SRPX: variants seen among roughly 807,000 people sequenced by gnomAD.
SRPX encodes the protein sushi repeat containing protein X-linked, also known as sushi repeat-containing protein SRPX.
Under a neutral mutation model 38.1 loss-of-function variants are expected in SRPX, and 24 were observed. That is an observed-to-expected ratio of 0.63 (90% CI 0.46 to 0.89). SRPX has a LOEUF of 0.89. Ranked by LOEUF, SRPX falls within the 40% of genes least tolerant of loss-of-function variation. SRPX has a pLI of 0.00. For missense variants in SRPX, 416 were observed against 377.8 expected, an observed-to-expected ratio of 1.10 and a Z score of -0.84; for synonymous variants, 184 against 153.8, an observed-to-expected ratio of 1.20 and a Z score of -1.45.
Position 38,201,083 on chromosome X carries a change from C to G in SRPX, c.97+19613G>C, listed in dbSNP as rs892173326. On this transcript the variant is annotated intron_variant, in intron 1 of 9. Transcript: ENST00000378533. ...AGTGACTCTATAAGACTATTACTCC[C>G]CACTTTTTAGATCGTGATTTTTTCT... 2.7e-5 allele frequency among the ~76,000 whole-genome samples: 3 copies of G among 111,440 alleles called. No individual in the cohort carries two copies. The East Asian group carries it at 8.4e-4, about 31-fold the overall frequency.
intron 1 of SRPX, among the ~76,000 whole-genome samples, chrX:38,201,998 G>A (rs1380321643): frequency 9.0e-6 from 1 of 111,682 alleles, no homozygotes; most frequent in East Asian, 2.8e-4. Context: ...GCTTCAGAGA[G>A]AATGAAGAAA....
At chrX:38,193,384 C>A (rs1246028494) in intron 1 of SRPX, among the ~76,000 whole-genome samples, 1 of 111,733 alleles carries the variant, frequency 8.9e-6, no homozygotes, top group East Asian at 2.8e-4. Context: ...CACAATCAAA[C>A]TGGGTATGGG....
At chrX:38,162,126 G>A (rs1401927602) in intron 5 of SRPX, among the ~76,000 whole-genome samples, 1 of 112,261 alleles carries the variant, frequency 8.9e-6, no homozygotes, top group Non-Finnish European at 1.9e-5. Flanking sequence ...ATAAACCTGA[G>A]AGGAGTGATA....
intron 1 of SRPX, among the ~76,000 whole-genome samples, chrX:38,213,928 C>T (rs772269387): frequency 8.2e-4 from 92 of 111,679 alleles, no homozygotes; most frequent in Non-Finnish European, 1.3e-3. Flanking sequence ...CATGAGAAAT[C>T]CGCCCCCCAT....
intron 1 of SRPX, among the ~76,000 whole-genome samples, chrX:38,190,717 TG>T (rs1209397442): frequency 8.9e-6 from 1 of 111,885 alleles, no homozygotes; most frequent in Non-Finnish European, 1.9e-5. Context: ...CAATACCTGT[TG>T]TGTGAGGCTA....
chrX:38,178,190 G>T, intron 2 of SRPX, 95 bp downstream of exon 2: 2 of 574,774 alleles, frequency 3.5e-6, no homozygotes, highest in South Asian at 4.2e-5. Flanking sequence ...TAAATGTGTT[G>T]TCTGGTCACT....
At chrX:38,218,302 C>T (rs1290190200) in intron 1 of SRPX, among the ~76,000 whole-genome samples, 1 of 112,597 alleles carries the variant, frequency 8.9e-6, no homozygotes, top group Non-Finnish European at 1.9e-5. Flanking sequence ...AAATACAGCT[C>T]TAAGAATTAT....
At chrX:38,205,791 A>G (rs4827340) in intron 1 of SRPX, among the ~76,000 whole-genome samples, 17,696 of 111,673 alleles carry the variant, frequency 0.16, 2,606 homozygotes, top group African/African-American at 0.46. Context: ...GTAGCTAAAC[A>G]GCCTAATACA....
rs964260043 is a variant in SRPX at position 38,161,386 on chromosome X, AG to A, written c.654-333del. 7.6e-5 allele frequency among the ~76,000 whole-genome samples: 8 copies of A among 105,599 alleles called. No individual in the cohort carries two copies. The Admixed American group carries it at 8.3e-4, about 11-fold the overall frequency. 91.7% of individuals were successfully genotyped at this position (105,599 alleles called of 115,157 possible). On this transcript the variant is annotated intron_variant, in intron 5 of 9. Transcript: ENST00000378533. ...CCTCCTTCAATCTCACTCTTGTTCC[AG>A]GGGGGACCTGAATTGCCTCACTGTT... is the stretch of plus-strand genomic sequence containing the variant.
intron 3 of SRPX, among the ~76,000 whole-genome samples, chrX:38,173,652 G>A (rs1485260267): frequency 9.0e-6 from 1 of 111,321 alleles, no homozygotes; most frequent in Non-Finnish European, 1.9e-5. Context: ...GTTTCACCGT[G>A]TTGCTCAGGC....
At chrX:38,151,385 C>A (rs746086048) in intron 9 of SRPX, among the ~76,000 whole-genome samples, 1 of 111,933 alleles carries the variant, frequency 8.9e-6, no homozygotes, top group African/African-American at 3.2e-5. Flanking sequence ...TGGAGGAGTT[C>A]TGGTACAGGG....
intron 1 of SRPX, among the ~76,000 whole-genome samples, chrX:38,215,514 A>G (rs1939410575): frequency 1.8e-5 from 2 of 112,057 alleles, no homozygotes; most frequent in African/African-American, 6.5e-5. Context: ...TCTTACGGTG[A>G]TTTGACATCC....
intron 1 of SRPX, among the ~76,000 whole-genome samples, 159 bp from the exon 2 acceptor site, chrX:38,178,503 G>A (rs1235693277): frequency 8.9e-6 from 1 of 111,934 alleles, no homozygotes; most frequent in Non-Finnish European, 1.9e-5. Flanking sequence ...ACAAACAGGA[G>A]ATCTCTCAGA....
At chrX:38,163,313 A>T (rs1938301571) in intron 5 of SRPX, among the ~76,000 whole-genome samples, 1 of 112,255 alleles carries the variant, frequency 8.9e-6, no homozygotes, top group South Asian at 3.7e-4. Flanking sequence ...ATTGCTAATC[A>T]TTGTGTAAAA....
intron 1 of SRPX, among the ~76,000 whole-genome samples, 186 bp downstream of exon 1, chrX:38,220,510 T>C (rs1276212053): frequency 1.8e-5 from 2 of 113,557 alleles, no homozygotes; most frequent in East Asian, 5.6e-4. Context: ...TGGTCAGTTC[T>C]TCCCGGCGCG....
chrX:38,211,760 T>C, intron 1 of SRPX, among the ~76,000 whole-genome samples: 3 of 110,958 alleles, frequency 2.7e-5, no homozygotes, highest in Middle Eastern at 9.3e-3. Flanking sequence ...AACTACTACT[T>C]ACCCAACTCC....
intron 1 of SRPX, among the ~76,000 whole-genome samples, chrX:38,195,156 A>G (rs1380084752): frequency 9.1e-6 from 1 of 110,420 alleles, no homozygotes; most frequent in Admixed American, 9.7e-5. Flanking sequence ...TACAGGCATG[A>G]GCCACTTTAC....
chrX:38,175,533 T>G (rs1014005856), intron 2 of SRPX, among the ~76,000 whole-genome samples: 8 of 111,520 alleles, frequency 7.2e-5, no homozygotes, highest in African/African-American at 2.3e-4. Context: ...TTTTTCTTTT[T>G]TAGAAACAGG....
At chrX:38,201,434 G>A (rs950724035) in intron 1 of SRPX, among the ~76,000 whole-genome samples, 11 of 111,317 alleles carry the variant, frequency 9.9e-5, no homozygotes, top group African/African-American at 3.6e-4. Flanking sequence ...TGCAGTAATC[G>A]TACTTCACCC....
Sources: gnomAD v4.1 joint callset for allele counts (sites outside exome capture counted in the v4.1 genomes callset) on GRCh38, gnomAD v4.1.1 for gene constraint, MANE v1.5 for transcripts, NCBI Gene and HGNC (gene_info 2026-07-23, HGNC 2026-07-21) for gene names.